EXT2: variants seen among roughly 807,000 people sequenced by gnomAD.
The protein encoded by EXT2 is exostosin-2.
Under a neutral mutation model 81.6 loss-of-function variants are expected in EXT2, and 53 were observed. The ratio of observed to expected loss-of-function variants is 0.65; its 90% CI spans 0.52 to 0.82. The LOEUF is 0.82. Among genes scored for constraint, EXT2 ranks in the 40% least tolerant of loss-of-function variants. The pLI, the probability that EXT2 is intolerant of heterozygous loss-of-function variation, is 0.00. For synonymous variants in EXT2, 320 were observed against 340.0 expected (o/e 0.94, Z 0.65); for missense variants, 774 against 910.2 (o/e 0.85, Z 1.93).
chr11:44,165,028 G>A (rs1244125103), intron 7 of EXT2, among the ~76,000 whole-genome samples: 2 of 151,632 alleles, frequency 1.3e-5, no homozygotes, highest in African/African-American at 4.8e-5. Context: ...ACAGGCGCCC[G>A]CCACCACGCC....
chr11:44,217,693 T>C (rs1432917632), intron 10 of EXT2, among the ~76,000 whole-genome samples: 5 of 152,312 alleles, frequency 3.3e-5, no homozygotes, highest in Non-Finnish European at 4.4e-5. Flanking sequence ...ATTTTTTTTT[T>C]CCAAGTCTGT....
rs1453129778 is a variant in EXT2 at position 44,242,227 on chromosome 11, T to C, written c.2019-1922T>C. Among the ~76,000 whole-genome samples the C allele has an allele frequency of 2.0e-5, 3 of 152,184 alleles. 1 individual carries two copies. Among genetic ancestry groups the C allele is most frequent in the Non-Finnish European group, 4.4e-5 (3 of 68,018 alleles). ...TATGCATAACTAGAAATGAGAAGAA[T>C]CTGGACATATTTACAGGCGGAACAA... is the stretch of plus-strand genomic sequence containing the variant. On this transcript the variant is annotated intron_variant, in intron 13 of 13. Transcript: ENST00000533608.
At chr11:44,176,801 G>A (rs764302763) in intron 8 of EXT2, among the ~76,000 whole-genome samples, 9 of 151,362 alleles carry the variant, frequency 5.9e-5, no homozygotes, top group Non-Finnish European at 1.3e-4. Context: ...GGGGTGGTCT[G>A]GGGTTTTCAG....
intron 7 of EXT2, among the ~76,000 whole-genome samples, chr11:44,162,267 A>G (rs1326449389): frequency 6.6e-6 from 1 of 152,160 alleles, no homozygotes; most frequent in Non-Finnish European, 1.5e-5. Flanking sequence ...AAGTATTACA[A>G]AATAAAAAGT....
At chr11:44,119,169 T>TATATCTATATATAC (rs1192115471) in intron 4 of EXT2, among the ~76,000 whole-genome samples, 1 of 63,130 alleles carries the variant, frequency 1.6e-5, no homozygotes, top group Non-Finnish European at 3.1e-5. Flanking sequence ...TATATATATA[T>TATATCTATATATAC]ACACATACAC....
rs758484706 is a variant in EXT2, at chr11:44,171,756, A to G, written c.1305+14A>G. 21 of 1,613,760 alleles carry G rather than the reference A, an allele frequency of 1.3e-5. No homozygotes were observed. Among genetic ancestry groups the G allele is most frequent in the Non-Finnish European group, 1.8e-5 (21 of 1,179,848 alleles). On this transcript the variant is annotated intron_variant, in intron 8 of 13. Coordinates refer to ENST00000533608, the MANE Select transcript of EXT2 (RefSeq NM_207122.2). Reference sequence around the variant, plus strand: ...CCTCCTGCTGTGGTAAGTGAATTCCAGTGCTAGCCACATGAGGCATGGTCC... The same window carrying G: ...CCTCCTGCTGTGGTAAGTGAATTCCGGTGCTAGCCACATGAGGCATGGTCC...
At chr11:44,096,069 CCTT>C (rs1404991917) in intron 1 of EXT2, 2 of 673,908 alleles carry the variant, frequency 3.0e-6, no homozygotes, top group South Asian at 1.6e-5. Context: ...TCCTGCTTCT[CCTT>C]CTCCTCCGGC....
At position 44,107,870 on chromosome 11, in the gene EXT2, C is replaced by T. The variant is rs1056954634; in HGVS notation, c.158C>T (p.Ser53Leu). ...TTTTGGCCCCATTCTATCGAGTCCTCAAATGACTGGAATGTAGAGAAGCGC... is the reference window on the plus strand; with the variant it reads ...TTTTGGCCCCATTCTATCGAGTCCTTAAATGACTGGAATGTAGAGAAGCGC... The part of the protein sequence containing the change: ...FQFWPHSIES[S>L]NDWNVEKRSI... Residue 53 changes from serine to leucine, a missense_variant, in exon 2 of 14, where the codon TCA (serine) becomes TTA (leucine). By Grantham distance (145) the Ser-to-Leu change is moderately radical. This residue lies in a region of EXT2 where 626 missense variants were observed against 670.5 expected (regional missense o/e 0.93). Transcript: ENST00000533608. The T allele has an allele frequency of 6.2e-7, 1 of 1,614,082 alleles. No homozygotes were observed. Among genetic ancestry groups the T allele is most frequent in the Non-Finnish European group, 8.5e-7 (1 of 1,180,062 alleles).
chr11:44,205,359 A>T (rs376272720), intron 9 of EXT2, among the ~76,000 whole-genome samples: 151 of 152,340 alleles, frequency 9.9e-4, no homozygotes, highest in African/African-American at 3.4e-3. Context: ...TCTTTCAGCC[A>T]TGTGTTCATG....
chr11:44,164,132 CTAAGACTGT>C (rs1395337997), intron 7 of EXT2, among the ~76,000 whole-genome samples: 16 of 152,092 alleles, frequency 1.1e-4, no homozygotes, highest in Non-Finnish European at 1.9e-4. Flanking sequence ...GTCTAGTGTG[CTAAGACTGT>C]CAAAGGAATT....
rs139077048 is a variant in EXT2 at position 44,194,580 on chromosome 11, C to T, written c.1306-3249C>T. On this transcript the variant is annotated intron_variant, in intron 8 of 13. Transcript: ENST00000533608. ...AGTTGTATCTCAGTTCCATCACTTA[C>T]AGGTTATATAGCCTTGAACATCATT... 4.8e-3 allele frequency among the ~76,000 whole-genome samples: 737 copies of T among 152,234 alleles called. 4 individuals are homozygous for T. The highest frequency in any genetic ancestry group is 0.016 in the African/African-American group (677 of 41,532).
intron 7 of EXT2, among the ~76,000 whole-genome samples, chr11:44,153,619 T>C (rs1348242858): frequency 6.6e-6 from 1 of 152,164 alleles, no homozygotes; most frequent in African/African-American, 2.4e-5. Flanking sequence ...GCTTTGAATT[T>C]TTCATCATTA....
At chr11:44,136,311 T>C (rs1172073152) in intron 7 of EXT2, among the ~76,000 whole-genome samples, 2 of 152,174 alleles carry the variant, frequency 1.3e-5, no homozygotes, top group East Asian at 1.9e-4. Flanking sequence ...AAGAGTAATC[T>C]GAATTTTTTT....
At chr11:44,235,061 T>C (rs922345230) in intron 12 of EXT2, among the ~76,000 whole-genome samples, 4 of 152,078 alleles carry the variant, frequency 2.6e-5, no homozygotes, top group African/African-American at 9.7e-5. Context: ...CCAAAGTGTA[T>C]AGGGAATAGG....
At chr11:44,186,982 T>TTTCCTCCCTTCC (rs1555015144) in intron 8 of EXT2, among the ~76,000 whole-genome samples, 15 of 78,846 alleles carry the variant, frequency 1.9e-4, no homozygotes, top group African/African-American at 7.6e-4. Flanking sequence ...TTGTACAAAA[T>TTTCCTCCCTTCC]TTCCTTCCTT....
At chr11:44,152,157 C>A (rs1400221311) in intron 7 of EXT2, among the ~76,000 whole-genome samples, 2 of 152,146 alleles carry the variant, frequency 1.3e-5, no homozygotes, top group Non-Finnish European at 2.9e-5. Context: ...TTTCTCCCAG[C>A]CTGTGGCTTA....
rs1956139144 is a variant in EXT2 at position 44,251,703 on chromosome 11, A to G, written c.*7416A>G. 1.3e-5 allele frequency among the ~76,000 whole-genome samples: 2 copies of G among 152,194 alleles called. No homozygotes were observed. Among genetic ancestry groups the G allele is most frequent in the Admixed American group, 1.3e-4 (2 of 15,274 alleles). ...AAGGACCAGAAGAAAGTAAATTTTCATTTATGTTTTTAAGTCTATTGTCTT... is the reference window on the plus strand; with the variant it reads ...AAGGACCAGAAGAAAGTAAATTTTCGTTTATGTTTTTAAGTCTATTGTCTT... On this transcript the variant is annotated 3_prime_UTR_variant, in exon 14 of 14. Transcript: ENST00000533608.
chr11:44,145,119 C>T (rs1954699502), intron 7 of EXT2, among the ~76,000 whole-genome samples: 1 of 151,972 alleles, frequency 6.6e-6, no homozygotes, highest in South Asian at 2.1e-4. Context: ...TGTCCTCCCG[C>T]ATCTGCTTGG....
rs1447045820 is a variant in EXT2, at chr11:44,206,049, A to G, written c.1496-744A>G. Among the ~76,000 whole-genome samples the G allele has an allele frequency of 4.6e-5, 7 of 151,130 alleles. No individual in the cohort carries two copies. In the East Asian group the frequency reaches 9.6e-4, roughly 21 times the overall value. On this transcript the variant is annotated intron_variant, in intron 9 of 13. Transcript: ENST00000533608. The stretch of plus-strand genomic sequence containing the variant: ...TGGGTTGGTGTTTCTTCAGTATACT[A>G]GAAAATCCCACATAATTGGACCTAG...
Sources: allele counts gnomAD v4.1 joint callset (sites outside exome capture counted in the v4.1 genomes callset), GRCh38; gene constraint gnomAD v4.1.1; regional missense constraint gnomAD v4.1.1; transcripts MANE v1.5; gene names NCBI Gene and HGNC (gene_info 2026-07-23, HGNC 2026-07-21).